PLCXD1: variants seen among roughly 807,000 people sequenced by gnomAD.
The protein encoded by PLCXD1 is phosphatidylinositol specific phospholipase C X domain containing 1.
A neutral mutation model predicts 37.8 loss-of-function variants in PLCXD1; 45 were observed. The ratio of observed to expected loss-of-function variants is 1.19; its 90% CI spans 0.94 to 1.53. The LOEUF is 1.53. Among genes scored for constraint, PLCXD1 ranks in the 40% most tolerant of loss-of-function variants. The pLI is 0.00. For missense variants in PLCXD1, 539 were observed against 454.7 expected, an observed-to-expected ratio of 1.19 and a Z score of -1.69; for synonymous variants, 246 against 206.9, an observed-to-expected ratio of 1.19 and a Z score of -1.62.
intron 1 of PLCXD1, among the ~76,000 whole-genome samples, chrX:282,920 GT>G (rs2069315094): frequency 7.3e-6 from 1 of 137,064 alleles, no homozygotes; most frequent in Non-Finnish European, 1.5e-5. Flanking sequence ...ATGTATATAT[GT>G]TATACATGTA....
Position 293,115 on chromosome X carries a change from G to A in PLCXD1, c.630G>A (p.Arg210=). 1 of 1,612,324 alleles carries A rather than the reference G, an allele frequency of 6.2e-7. No homozygotes were observed. Among genetic ancestry groups the A allele is most frequent in the Non-Finnish European group, 8.5e-7 (1 of 1,179,648 alleles). Residue 210 remains arginine, a synonymous_variant, in exon 6 of 7, where the codon CGG becomes CGA. Transcript: ENST00000381657. ...ATGAAGACGAGAGCTCCTTGCGCCG[G>A]CACCACGAGCTGTGGCCAGGAGTCC... ...VSYEDESSLR[R]HHELWPGVPY...
chrX:293,001 C>G (rs1188802897), intron 5 of PLCXD1, 34 bp from the exon 6 acceptor site: 5 of 1,518,560 alleles, frequency 3.3e-6, no homozygotes, highest in Non-Finnish European at 4.5e-6. Context: ...GCTCTCCTCT[C>G]TCCCCTGCAC....
chrX:296,075 G>T (rs112423545), intron 6 of PLCXD1, among the ~76,000 whole-genome samples: 1 of 151,980 alleles, frequency 6.6e-6, no homozygotes, highest in African/African-American at 2.4e-5. Flanking sequence ...GCCTCCCAAA[G>T]TGGTGGGATT....
intron 2 of PLCXD1, among the ~76,000 whole-genome samples, chrX:284,518 A>G (rs893032490): frequency 6.6e-6 from 1 of 152,230 alleles, no homozygotes; most frequent in African/African-American, 2.4e-5. Context: ...GTACATAGTC[A>G]TGGACATGCA....
At chrX:286,642 C>G (rs2069458586) in intron 2 of PLCXD1, among the ~76,000 whole-genome samples, 1 of 152,152 alleles carries the variant, frequency 6.6e-6, no homozygotes, top group East Asian at 1.9e-4. Flanking sequence ...GGGAACGTGA[C>G]TGGGGGCTAC....
chrX:297,670 A>T (rs2069861887), intron 6 of PLCXD1, among the ~76,000 whole-genome samples: 1 of 46,890 alleles, frequency 2.1e-5, no homozygotes, highest in Non-Finnish European at 4.0e-5. Flanking sequence ...TGTCTATCAC[A>T]TGGGGATTAG....
At chrX:282,985 T>C (rs1390473458) in intron 1 of PLCXD1, among the ~76,000 whole-genome samples, 1 of 146,506 alleles carries the variant, frequency 6.8e-6, no homozygotes, top group Non-Finnish European at 1.5e-5. Flanking sequence ...ATGTATAATA[T>C]ATATTATATG....
chrX:291,813 C>T (rs754351344), intron 5 of PLCXD1, among the ~76,000 whole-genome samples, 159 bp downstream of exon 5: 10 of 152,248 alleles, frequency 6.6e-5, no homozygotes, highest in African/African-American at 2.4e-4. Context: ...TGTGGGGGGC[C>T]CTGGCTGACC....
At chrX:284,599 C>T (rs369812523) in intron 2 of PLCXD1, among the ~76,000 whole-genome samples, 23 of 61,514 alleles carry the variant, frequency 3.7e-4, no homozygotes, top group African/African-American at 9.8e-4. Flanking sequence ...CACGCACACA[C>T]GCACACACGC....
chrX:299,318 A>G lies in PLCXD1; in HGVS notation c.955A>G (p.Lys319Glu), dbSNP rs947734188. The change falls in exon 7 of 7, where the codon AAG becomes GAG. Residue 319 changes from lysine to glutamate, a missense_variant. By Grantham distance (56) the Lys-to-Glu change is moderately conservative (BLOSUM62 1). Transcript: ENST00000381657. ...CAGTGACGTCATCGCGCTCAATCAG[A>G]AGCTGCTGTGGTGCTGACGGGACCC... is the stretch of plus-strand genomic sequence containing the variant. ...FVSDVIALNQ[K>E]LLWC 2 of 1,613,004 alleles carry G rather than the reference A, an allele frequency of 1.2e-6. No individual in the cohort carries two copies. Among genetic ancestry groups the G allele is most frequent in the East Asian group, 2.2e-5 (1 of 44,876 alleles).
rs1222968456 is a variant in PLCXD1, at chrX:284,304, C to T, written c.117C>T (p.Leu39=). The T allele has an allele frequency of 2.5e-6, 4 of 1,613,132 alleles. No homozygotes were observed. In the African/African-American group the frequency reaches 5.3e-5, roughly 22 times the overall value. The change falls in exon 2 of 7, where the codon CTC becomes CTT. Residue 39 remains leucine, a synonymous_variant. Coordinates refer to ENST00000381657, the MANE Select transcript of PLCXD1 (RefSeq NM_018390.4). Reference sequence around the variant, plus strand: ...TCTGGGATGTGCCCCTCCACCACCTCTCCATCCCAGGTGAGGTTGGGGTGG... The same window carrying T: ...TCTGGGATGTGCCCCTCCACCACCTTTCCATCCCAGGTGAGGTTGGGGTGG... ...PRLWDVPLHH[L]SIPGSHDTMT... is the part of the protein sequence containing the mutation.
upstream of PLCXD1, among the ~76,000 whole-genome samples, chrX:278,509 C>T (rs1193113881): frequency 1.3e-5 from 2 of 151,946 alleles, no homozygotes; most frequent in African/African-American, 2.4e-5. Flanking sequence ...GAGGCCAAGG[C>T]GGGCAGATCA....
In PLCXD1 at chrX:300,190, A is replaced by G. The variant is rs1468095007; in HGVS notation, c.*855A>G. On this transcript the variant is annotated 3_prime_UTR_variant, in exon 7 of 7. Coordinates refer to ENST00000381657, the MANE Select transcript of PLCXD1 (RefSeq NM_018390.4). ...GTCAAGAACCACCATGGCAGCCCAT[A>G]ATATGTTTTCTTATTTCTGTATTCT... The G allele has an allele frequency of 6.6e-6, 1 of 151,880 alleles. No individual in the cohort carries two copies. Among genetic ancestry groups the G allele is most frequent in the Admixed American group, 6.6e-5 (1 of 15,226 alleles). The allele number at this position is 151,880 out of a possible 1,614,324, so 9.4% of individuals were successfully genotyped here.
At chrX:288,284 T>C (rs1184570933) in intron 2 of PLCXD1, among the ~76,000 whole-genome samples, 1 of 151,240 alleles carries the variant, frequency 6.6e-6, no homozygotes, top group African/African-American at 2.4e-5. Flanking sequence ...ACTCAAGTCA[T>C]TGAAATTGTA....
At chrX:279,775 GAA>G (rs1557374205), upstream of PLCXD1, among the ~76,000 whole-genome samples, 1 of 140,306 alleles carries the variant, frequency 7.1e-6, no homozygotes, top group Non-Finnish European at 1.6e-5. Flanking sequence ...CCCTGTCTCT[GAA>G]AAAAAAAAAA....
upstream of PLCXD1, among the ~76,000 whole-genome samples, chrX:280,315 AGGGAGGCCGTGCAGGGGGAG>A (rs2069236903): frequency 4.3e-5 from 3 of 68,988 alleles, no homozygotes; most frequent in East Asian, 5.0e-4. Flanking sequence ...TGCAGGGGGA[AGGGAGGCCGTGCAGGGGGAG>A]GGGAGGCCGT....
At chrX:278,335 CAG>C (rs1179886551), upstream of PLCXD1, among the ~76,000 whole-genome samples, 1 of 152,076 alleles carries the variant, frequency 6.6e-6, no homozygotes, top group Non-Finnish European at 1.5e-5. Flanking sequence ...CGTCATGACA[CAG>C]AGGATGTGAG....
intron 6 of PLCXD1, among the ~76,000 whole-genome samples, chrX:297,031 A>T (rs771948329): frequency 0.024 from 860 of 36,104 alleles, 276 homozygotes; most frequent in Middle Eastern, 0.087. Context: ...CCTGTCTATC[A>T]CATGGGGATT....
Position 291,624 on chromosome X carries a change from C to T in PLCXD1, c.519C>T (p.Asn173=). Residue 173 remains asparagine (N), a synonymous_variant, in exon 5 of 7, where the codon AAC becomes AAT. Transcript: ENST00000381657. ...LHEYLVACIK[N]IFGDMLCPRG... ...AGTACCTGGTCGCCTGTATCAAGAA[C>T]ATCTTCGGGGACATGCTGTGTCCTC... The T allele has an allele frequency of 2.5e-6, 4 of 1,612,900 alleles. No individual in the cohort carries two copies. The highest frequency in any genetic ancestry group is 3.4e-6 in the Non-Finnish European group (4 of 1,179,852).
Sources: allele counts gnomAD v4.1 joint callset (sites outside exome capture counted in the v4.1 genomes callset), GRCh38; gene constraint gnomAD v4.1.1; transcripts MANE v1.5; gene names NCBI Gene and HGNC (gene_info 2026-07-23, HGNC 2026-07-21).